DTX1: variants seen among roughly 807,000 people sequenced by gnomAD.
The protein encoded by DTX1 is E3 ubiquitin-protein ligase DTX1.
In DTX1, 26 loss-of-function variants were observed where a neutral mutation model predicts 57.8. That is an observed-to-expected ratio of 0.45 (90% CI 0.33 to 0.62). DTX1 has a LOEUF of 0.62. Ranked by LOEUF, DTX1 falls within the 20% of genes least tolerant of loss-of-function variation. DTX1 has a pLI of 0.02. For missense variants in DTX1, 704 were observed against 895.3 expected, an observed-to-expected ratio of 0.79 and a Z score of 2.73; for synonymous variants, 398 against 394.1, an observed-to-expected ratio of 1.01 and a Z score of -0.12.
intron 3 of DTX1, 52 bp downstream of exon 3, chr12:113,078,157 C>T: frequency 1.6e-6 from 2 of 1,285,704 alleles, no homozygotes; most frequent in Non-Finnish European, 2.0e-6. Context: ...CAGGCAAGGA[C>T]GAAGCCCGGG....
At position 113,078,117 on chromosome 12, in the gene DTX1, C is replaced by G; in HGVS notation, c.941+12C>G. The G allele has an allele frequency of 7.4e-7, 1 of 1,353,956 alleles. No individual in the cohort carries two copies. The highest frequency in any genetic ancestry group is 9.5e-7 in the Non-Finnish European group (1 of 1,055,712). 83.9% of individuals were successfully genotyped at this position (1,353,956 alleles called of 1,614,324 possible). On this transcript the variant is annotated intron_variant, in intron 3 of 9. Coordinates refer to ENST00000548759, the MANE Select transcript of DTX1 (RefSeq NM_004416.3). ...TCCATCCCGCCGGGGTAAGACGGGGCCCAGGGGGAGGGGGCCTCTGCGTCG... is the reference window on the plus strand; with the variant it reads ...TCCATCCCGCCGGGGTAAGACGGGGGCCAGGGGGAGGGGGCCTCTGCGTCG...
At chr12:113,058,884 TCC>T (rs2044648582) in intron 2 of DTX1, among the ~76,000 whole-genome samples, 1 of 152,170 alleles carries the variant, frequency 6.6e-6, no homozygotes, top group Admixed American at 6.5e-5. Context: ...TTATTATGAG[TCC>T]CATTTTATAG....
At position 113,057,928 on chromosome 12, in the gene DTX1, C is replaced by G. The variant is rs564389711; in HGVS notation, c.-265C>G. Reference sequence around the variant, plus strand: ...GCCAAGGACTTTAGAGCTGTTTCCTCCGGCATAAGAGAGACACTTGCTTTC... The same window carrying G: ...GCCAAGGACTTTAGAGCTGTTTCCTGCGGCATAAGAGAGACACTTGCTTTC... On this transcript the variant is annotated 5_prime_UTR_variant, in exon 2 of 10. Transcript: ENST00000548759. 1.9e-6 allele frequency: 1 copy of G among 538,142 alleles called. No individual in the cohort carries two copies. The highest frequency in any genetic ancestry group is 1.9e-5 in the African/African-American group (1 of 52,982). The allele number at this position is 538,142 out of a possible 1,614,324, so 33.3% of individuals were successfully genotyped here. A position where few individuals can be genotyped will look rare whatever the true frequency, so the allele number is the denominator to read the frequency against.
chr12:113,062,352 A>C (rs896704744), intron 2 of DTX1, among the ~76,000 whole-genome samples: 1 of 152,262 alleles, frequency 6.6e-6, no homozygotes, highest in Non-Finnish European at 1.5e-5. Context: ...GACAATATGT[A>C]AGTGAATGCG....
chr12:113,069,383 C>T (rs1175252977), intron 2 of DTX1, among the ~76,000 whole-genome samples: 2 of 152,136 alleles, frequency 1.3e-5, no homozygotes, highest in Non-Finnish European at 2.9e-5. Flanking sequence ...AAGGTGGTAG[C>T]CTCTCCGAGT....
intron 6 of DTX1, 86 bp from the exon 7 acceptor site, chr12:113,094,703 C>T: frequency 6.6e-7 from 1 of 1,512,300 alleles, no homozygotes; most frequent in Non-Finnish European, 8.9e-7. Context: ...TGGTCTGCTG[C>T]CTATGGTGAC....
intron 2 of DTX1, among the ~76,000 whole-genome samples, chr12:113,064,619 T>C (rs1320175457): frequency 1.3e-5 from 2 of 152,216 alleles, no homozygotes; most frequent in African/African-American, 4.8e-5. Context: ...TTGCTGGCTG[T>C]GTGACCATGG....
intron 3 of DTX1, among the ~76,000 whole-genome samples, chr12:113,081,648 C>T (rs1459156297): frequency 6.6e-6 from 1 of 152,060 alleles, no homozygotes; most frequent in Admixed American, 6.6e-5. Flanking sequence ...AACAGCTGAT[C>T]CATGCAGAGG....
At chr12:113,074,413 G>C (rs938348435) in intron 2 of DTX1, among the ~76,000 whole-genome samples, 13 of 152,358 alleles carry the variant, frequency 8.5e-5, no homozygotes, top group Non-Finnish European at 1.6e-4. Flanking sequence ...GGAACAGCCA[G>C]TGAGAAGGCC....
chr12:113,078,774 G>A (rs149185734), intron 3 of DTX1, among the ~76,000 whole-genome samples: 3 of 152,218 alleles, frequency 2.0e-5, no homozygotes, highest in African/African-American at 7.2e-5. Flanking sequence ...GGTGGCTCGA[G>A]CAAGCATCAG....
Position 113,057,959 on chromosome 12 carries a change from C to A in DTX1, c.-234C>A. 1.6e-6 allele frequency: 1 copy of A among 633,104 alleles called. No homozygotes were observed. The highest frequency in any genetic ancestry group is 2.6e-6 in the Non-Finnish European group (1 of 379,932). The allele number at this position is 633,104 out of a possible 1,614,324, so 39.2% of individuals were successfully genotyped here. A position where few individuals can be genotyped will look rare whatever the true frequency, so the allele number is the denominator to read the frequency against. On this transcript the variant is annotated 5_prime_UTR_variant, in exon 2 of 10. Transcript: ENST00000548759. ...TAAGAGAGACACTTGCTTTCCAGGG[C>A]AGCACCCTTTATCGGAGAAGGCTCT...
intron 3 of DTX1, among the ~76,000 whole-genome samples, chr12:113,079,277 AACTGTGCTTCAATC>A (rs1269726197): frequency 6.6e-6 from 1 of 152,134 alleles, no homozygotes; most frequent in Non-Finnish European, 1.5e-5. Flanking sequence ...ACCCAAAACC[AACTGTGCTTCAATC>A]ACTATGGCAT....
intron 3 of DTX1, among the ~76,000 whole-genome samples, chr12:113,080,002 A>C (rs976370961): frequency 1.3e-5 from 2 of 152,294 alleles, no homozygotes; most frequent in East Asian, 3.9e-4. Context: ...CTACACTGGC[A>C]GTAGTTCAGC....
rs534808728 is a variant in DTX1, at chr12:113,070,395, C to T, written c.260-7029C>T. 2.8e-4 allele frequency among the ~76,000 whole-genome samples: 43 copies of T among 152,360 alleles called. 1 individual carries two copies. Among genetic ancestry groups the T allele is most frequent in the South Asian group, 1.9e-3 (9 of 4,828 alleles). ...GACCGCCTCCCACGTGCCCCCTTCCCGTCAGGGTCTGGGTGCCCCCAAACT... is the reference window on the plus strand; with the variant it reads ...GACCGCCTCCCACGTGCCCCCTTCCTGTCAGGGTCTGGGTGCCCCCAAACT... On this transcript the variant is annotated intron_variant, in intron 2 of 9. Coordinates refer to ENST00000548759, the MANE Select transcript of DTX1 (RefSeq NM_004416.3).
intron 3 of DTX1, among the ~76,000 whole-genome samples, chr12:113,085,690 T>C (rs2044851865): frequency 2.0e-5 from 3 of 152,234 alleles, no homozygotes; most frequent in Admixed American, 2.0e-4. Context: ...CATCTGTTTT[T>C]TAATTAATTC....
intron 2 of DTX1, among the ~76,000 whole-genome samples, chr12:113,062,032 TACACACACACACACACACACACACAC>T (rs35422556): frequency 7.0e-6 from 1 of 142,390 alleles, no homozygotes; most frequent in Non-Finnish European, 1.6e-5. Flanking sequence ...TTATATTTCA[TACACACACACACACACACACACACAC>T]ACACACACAC....
intron 2 of DTX1, among the ~76,000 whole-genome samples, chr12:113,066,435 G>A (rs2044703881): frequency 6.6e-6 from 1 of 152,062 alleles, no homozygotes; most frequent in Admixed American, 6.5e-5. Context: ...GGCCAAGGCA[G>A]GAGAATCACT....
At chr12:113,062,426 G>A (rs779156990) in intron 2 of DTX1, among the ~76,000 whole-genome samples, 2 of 152,112 alleles carry the variant, frequency 1.3e-5, no homozygotes, top group Non-Finnish European at 2.9e-5. Context: ...TCTTTTTCAC[G>A]GGTCATGAAA....
At chr12:113,066,304 G>A (rs1334618839) in intron 2 of DTX1, among the ~76,000 whole-genome samples, 2 of 152,118 alleles carry the variant, frequency 1.3e-5, no homozygotes, top group Non-Finnish European at 2.9e-5. Flanking sequence ...TAAGGTGAGT[G>A]GATCACCTGA....
Sources: allele counts gnomAD v4.1 joint callset (sites outside exome capture counted in the v4.1 genomes callset), GRCh38; gene constraint gnomAD v4.1.1; transcripts MANE v1.5; gene names NCBI Gene and HGNC (gene_info 2026-07-23, HGNC 2026-07-21).